CTNNA3: variants seen among roughly 807,000 people sequenced by gnomAD.
CTNNA3 encodes catenin alpha 3, also known as catenin alpha-3.
Under a neutral mutation model 95.7 loss-of-function variants are expected in CTNNA3, and 76 were observed. The observed-to-expected ratio is 0.79, with a 90% CI of 0.66 to 0.96. CTNNA3 has a LOEUF of 0.96. Among genes scored for constraint, CTNNA3 ranks in the 40% least tolerant of loss-of-function variants. The pLI is 0.00. For synonymous variants in CTNNA3, 431 were observed against 374.4 expected, an observed-to-expected ratio of 1.15 and a Z score of -1.74; for missense variants, 1,191 against 1,089.8, an observed-to-expected ratio of 1.09 and a Z score of -1.31.
At chr10:66,714,358 T>C (rs12217833) in intron 9 of CTNNA3, among the ~76,000 whole-genome samples, 16,759 of 152,128 alleles carry the variant, frequency 0.11, 1,061 homozygotes, top group East Asian at 0.24. Flanking sequence ...GATTACAGAC[T>C]TGGGCTCTTT....
In CTNNA3 at chr10:65,917,686, G is replaced by T. The variant is rs1311673664; in HGVS notation, c.*2644C>A. ...ATTATCAGAGGAAGCACTAATCTCT[G>T]TGATGAGACATCAAAAGGTACATAG... On this transcript the variant is annotated 3_prime_UTR_variant, in exon 18 of 18. Transcript: ENST00000433211. 1.3e-5 allele frequency: 2 copies of T among 152,144 alleles called. No individual in the cohort carries two copies. The highest frequency in any genetic ancestry group is 4.8e-5 in the African/African-American group (2 of 41,432). 9.4% of individuals were successfully genotyped at this position (152,144 alleles called of 1,614,324 possible).
intron 1 of CTNNA3, among the ~76,000 whole-genome samples, chr10:67,663,010 C>A (rs1471366536): frequency 2.0e-5 from 3 of 152,106 alleles, no homozygotes; most frequent in Admixed American, 2.0e-4. Flanking sequence ...TCCTTAAGTT[C>A]TCTGAATTAA....
chr10:66,792,528 A>C (rs770768005), intron 7 of CTNNA3, among the ~76,000 whole-genome samples: 18 of 152,150 alleles, frequency 1.2e-4, no homozygotes, highest in Non-Finnish European at 2.5e-4. Context: ...AGTAGCAAGG[A>C]TGTAGAGTAA....
chr10:67,557,865 A>T (rs1291118291), intron 3 of CTNNA3, among the ~76,000 whole-genome samples: 1 of 152,144 alleles, frequency 6.6e-6, no homozygotes, highest in Non-Finnish European at 1.5e-5. Context: ...AACACCTATG[A>T]TACTAGGAAC....
intron 1 of CTNNA3, among the ~76,000 whole-genome samples, chr10:67,721,293 CCAAT>C (rs1264766775): frequency 6.6e-6 from 1 of 152,134 alleles, no homozygotes; most frequent in Non-Finnish European, 1.5e-5. Flanking sequence ...TTCAGGTACA[CCAAT>C]CAAACTTAGG....
intron 9 of CTNNA3, among the ~76,000 whole-genome samples, chr10:66,637,839 A>T (rs1335735395): frequency 1.3e-5 from 2 of 152,124 alleles, no homozygotes; most frequent in African/African-American, 4.8e-5. Flanking sequence ...TCAGCCTCTG[A>T]CTACTATGGA....
rs374904021 is a variant in CTNNA3 at position 66,550,351 on chromosome 10, T to G, written c.1375-29578A>C. On this transcript the variant is annotated intron_variant, in intron 10 of 17. Transcript: ENST00000433211. ...TCTTTATACTTGAAGTAGCTTAGAG[T>G]AAAATCTTATTTTATTTTATCCACT... Among the ~76,000 whole-genome samples the G allele has an allele frequency of 3.6e-4, 55 of 152,298 alleles. 1 individual carries two copies. The South Asian group carries it at 0.011, about 31-fold the overall frequency.
intron 12 of CTNNA3, among the ~76,000 whole-genome samples, chr10:66,300,839 C>A (rs2091850907): frequency 6.6e-6 from 1 of 151,050 alleles, no homozygotes; most frequent in Non-Finnish European, 1.5e-5. Context: ...GAGCAAAAAT[C>A]AATGAATTTG....
At chr10:66,204,001 G>A (rs1255188991) in intron 13 of CTNNA3, among the ~76,000 whole-genome samples, 1 of 152,014 alleles carries the variant, frequency 6.6e-6, no homozygotes, top group African/African-American at 2.4e-5. Context: ...GCCCAAATTT[G>A]GAGGTAGGAC....
intron 13 of CTNNA3, among the ~76,000 whole-genome samples, chr10:66,235,193 C>T (rs867996778): frequency 4.6e-5 from 7 of 152,168 alleles, no homozygotes; most frequent in African/African-American, 1.4e-4. Context: ...TAATAAATAT[C>T]GTTGTTTTAA....
At chr10:66,042,620 C>T (rs2079718765) in intron 15 of CTNNA3, among the ~76,000 whole-genome samples, 1 of 151,786 alleles carries the variant, frequency 6.6e-6, no homozygotes, top group Non-Finnish European at 1.5e-5. Flanking sequence ...GAGAATACAG[C>T]CAGGCGCAGC....
chr10:66,634,621 T>C (rs1225392145), intron 9 of CTNNA3, among the ~76,000 whole-genome samples: 1 of 143,430 alleles, frequency 7.0e-6, no homozygotes, highest in Non-Finnish European at 1.5e-5. Context: ...GCAGCAGATA[T>C]AAGGTAATGA....
intron 11 of CTNNA3, among the ~76,000 whole-genome samples, chr10:66,463,641 C>A (rs1176291604): frequency 2.6e-5 from 4 of 152,070 alleles, no homozygotes; most frequent in African/African-American, 9.7e-5. Flanking sequence ...AAAATCATTT[C>A]CATGACTAAA....
At chr10:67,219,477 G>A (rs1228382996) in intron 6 of CTNNA3, 130 bp downstream of exon 6, 1 of 971,330 alleles carries the variant, frequency 1.0e-6, no homozygotes, top group Non-Finnish European at 1.5e-6. Context: ...ACTCAAGAAG[G>A]TGATAGAGAC....
intron 13 of CTNNA3, among the ~76,000 whole-genome samples, chr10:66,259,596 C>A (rs1468356623): frequency 6.6e-6 from 1 of 152,086 alleles, no homozygotes; most frequent in African/African-American, 2.4e-5. Flanking sequence ...CTCAGTGATT[C>A]CCACACCTCA....
At chr10:67,487,311 G>A (rs1244263106) in intron 5 of CTNNA3, among the ~76,000 whole-genome samples, 3 of 152,148 alleles carry the variant, frequency 2.0e-5, no homozygotes, top group African/African-American at 7.2e-5. Context: ...TCCACTGGCT[G>A]CCAAGGCTCC....
intron 17 of CTNNA3, among the ~76,000 whole-genome samples, chr10:65,922,760 GT>G (rs2077108693): frequency 6.6e-6 from 1 of 152,100 alleles, no homozygotes; most frequent in East Asian, 1.9e-4. Context: ...TATTTTTAAA[GT>G]TGTATTCGTT....
At chr10:67,425,499 T>G (rs1845892200) in intron 5 of CTNNA3, among the ~76,000 whole-genome samples, 2 of 152,232 alleles carry the variant, frequency 1.3e-5, no homozygotes, top group South Asian at 4.1e-4. Flanking sequence ...AGAACTGGAA[T>G]GCTTTTTCTC....
intron 17 of CTNNA3, among the ~76,000 whole-genome samples, chr10:65,945,164 A>G (rs1052926557): frequency 4.5e-4 from 68 of 151,170 alleles, no homozygotes; most frequent in Admixed American, 7.3e-4. Context: ...GTGTGTGTAT[A>G]TATATATATA....
Sources: gnomAD v4.1 joint callset for allele counts (sites outside exome capture counted in the v4.1 genomes callset) on GRCh38, gnomAD v4.1.1 for gene constraint, MANE v1.5 for transcripts, NCBI Gene and HGNC (gene_info 2026-07-23, HGNC 2026-07-21) for gene names.